The following MYLK2 variants were observed in gnomAD, a reference collection of about 807,000 sequenced individuals.
MYLK2 encodes the protein myosin light chain kinase 2, skeletal/cardiac muscle.
Under a neutral mutation model 58.2 loss-of-function variants are expected in MYLK2, and 27 were observed. That is an observed-to-expected ratio of 0.46 (90% CI 0.34 to 0.64). The LOEUF (loss-of-function observed/expected upper bound fraction) is 0.64. MYLK2 is among the 30% of genes least tolerant of loss of function. The probability of loss-of-function intolerance (pLI) is 0.01; values close to 1 mark genes in which losing one functional copy is unlikely to be tolerated. For missense variants in MYLK2, 676 were observed against 764.3 expected (o/e 0.88, Z 1.36); for synonymous variants, 310 against 296.7 (o/e 1.04, Z -0.46).
chr20:31,819,589 A>G lies in MYLK2; in HGVS notation c.9A>G (p.Thr3=). MA[T]ENGAVELGIQ... ...ACACGCCTCCCTACCTCATGGCGAC[A>G]GAAAATGGAGCAGTTGAGCTGGGAA... Residue 3 remains threonine (T), a synonymous_variant, in exon 2 of 13, where the codon ACA becomes ACG. Transcript: ENST00000375985. 3 of 1,551,590 alleles carry G rather than the reference A, an allele frequency of 1.9e-6. No homozygotes were observed. The highest frequency in any genetic ancestry group is 2.6e-6 in the Non-Finnish European group (3 of 1,147,010).
chr20:31,827,112 G>A (rs2062284497), intron 8 of MYLK2, 174 bp downstream of exon 8: 3 of 981,448 alleles, frequency 3.1e-6, no homozygotes, highest in Non-Finnish European at 3.6e-6. Flanking sequence ...CCAGGAGCCG[G>A]GGGCACAGCA....
At chr20:31,832,157 G>A in intron 12 of MYLK2, 21 bp downstream of exon 12, 1 of 1,591,744 alleles carries the variant, frequency 6.3e-7, no homozygotes, top group Non-Finnish European at 8.6e-7. Context: ...ATTCAGGGTG[G>A]GGAGGGAGGG....
chr20:31,833,414 A>T (rs1248962365), intron 12 of MYLK2, among the ~76,000 whole-genome samples: 4 of 152,064 alleles, frequency 2.6e-5, no homozygotes, highest in Non-Finnish European at 5.9e-5. Flanking sequence ...GAAGAGGGGG[A>T]CAGGAGTTGG....
At position 31,826,698 on chromosome 20, in the gene MYLK2, G is replaced by A. The variant is rs754860438; in HGVS notation, c.1066G>A (p.Val356Ile). 4.3e-6 allele frequency: 7 copies of A among 1,613,916 alleles called. No individual in the cohort carries two copies. The highest frequency in any genetic ancestry group is 1.3e-5 in the African/African-American group (1 of 74,862). The change falls in exon 7 of 13, where the codon GTC (valine) becomes ATC (isoleucine). Residue 356 changes from valine (V) to isoleucine (I), a missense_variant. By Grantham distance (29) the Val-to-Ile change is conservative. Around this residue, in one of 2 missense-constraint regions of MYLK2, gnomAD observed 370 missense variants for 467.8 expected, o/e 0.79. Transcript: ENST00000375985. Reference sequence around the variant, plus strand: ...AGCCATCGAGACTCCGCATGAGATCGTCCTGTTCATGGAGTAGTGAGTGCC... The same window carrying A: ...AGCCATCGAGACTCCGCATGAGATCATCCTGTTCATGGAGTAGTGAGTGCC... ...YAAIETPHEI[V>I]LFMEYIEGGE...
At chr20:31,823,373 C>T in intron 4 of MYLK2, 104 bp from the exon 5 acceptor site, 1 of 1,069,190 alleles carries the variant, frequency 9.4e-7, no homozygotes, top group Non-Finnish European at 1.4e-6. Context: ...ACTTGGTGAA[C>T]TTAACTTCCC....
intron 8 of MYLK2, among the ~76,000 whole-genome samples, chr20:31,829,719 C>T (rs6060979): frequency 0.31 from 47,609 of 152,128 alleles, 9,613 homozygotes; most frequent in African/African-American, 0.57. Context: ...TCCGGTGTTT[C>T]AGGAGCTGCT....
In MYLK2 at chr20:31,833,943, C is replaced by T; in HGVS notation, c.*146C>T. The stretch of plus-strand genomic sequence containing the variant: ...GCCAGGCTGGGAGGCTCGGGGCTCC[C>T]CACGCCCCCATGCAGTGACCGCTTC... On this transcript the variant is annotated 3_prime_UTR_variant, in exon 13 of 13. Transcript: ENST00000375985. The T allele has an allele frequency of 1.4e-6, 1 of 721,336 alleles. No individual in the cohort carries two copies. The highest frequency in any genetic ancestry group is 2.3e-6 in the Non-Finnish European group (1 of 426,236). 44.7% of individuals were successfully genotyped at this position (721,336 alleles called of 1,614,324 possible).
At position 31,819,596 on chromosome 20, in the gene MYLK2, G is replaced by A. The variant is rs727503302; in HGVS notation, c.16G>A (p.Gly6Arg). The change falls in exon 2 of 13, where the codon GGA becomes AGA. Residue 6 changes from glycine (G) to arginine (R), a missense_variant. This residue lies in a region of MYLK2 where 306 missense variants were observed against 296.5 expected (regional missense o/e 1.03). Transcript: ENST00000375985. MATEN[G>R]AVELGIQNPS... ...TCCCTACCTCATGGCGACAGAAAATGGAGCAGTTGAGCTGGGAATTCAGAA... is the reference window on the plus strand; with the variant it reads ...TCCCTACCTCATGGCGACAGAAAATAGAGCAGTTGAGCTGGGAATTCAGAA... The A allele has an allele frequency of 1.9e-6, 3 of 1,551,598 alleles. No homozygotes were observed. Among genetic ancestry groups the A allele is most frequent in the Non-Finnish European group, 2.6e-6 (3 of 1,146,996 alleles).
intron 8 of MYLK2, chr20:31,828,361 T>C: frequency 1.0e-6 from 1 of 985,344 alleles, no homozygotes; most frequent in Non-Finnish European, 1.2e-6. Context: ...AATCTTAATG[T>C]GGAGGCGCGT....
rs149530874 is a variant in MYLK2, at chr20:31,828,508, G to A, written c.1224+1570G>A. 5.0e-5 allele frequency: 49 copies of A among 981,404 alleles called. No individual in the cohort carries two copies. In the African/African-American group the frequency reaches 8.0e-4, roughly 16 times the overall value. The allele number at this position is 981,404 out of a possible 1,614,324, so 60.8% of individuals were successfully genotyped here. On this transcript the variant is annotated intron_variant, in intron 8 of 12. Coordinates refer to ENST00000375985, the MANE Select transcript of MYLK2 (RefSeq NM_033118.4). ...AGGCCCCGTGCTAGGCATAGGGACT[G>A]TGAAGGAAATGGTCCCTGTCTCATG...
chr20:31,822,723 CAGACAGG>C (rs2062257415), intron 4 of MYLK2, among the ~76,000 whole-genome samples: 1 of 152,100 alleles, frequency 6.6e-6, no homozygotes, highest in Non-Finnish European at 1.5e-5. Flanking sequence ...CCGTGCCACC[CAGACAGG>C]GTGGGAGGAC....
chr20:31,832,351 TG>T lies in MYLK2; in HGVS notation c.1710+219del, dbSNP rs1259801176. ...GGCCTTCCACCCAGCCCCACCCATC[TG>T]GGGCTCTGGCTTCCCTCCTTCATTT... On this transcript the variant is annotated intron_variant, in intron 12 of 12. Coordinates refer to ENST00000375985, the MANE Select transcript of MYLK2 (RefSeq NM_033118.4). Among the ~76,000 whole-genome samples, 4 of 152,342 alleles carry T rather than the reference TG, an allele frequency of 2.6e-5. No individual in the cohort carries two copies. In the East Asian group the frequency reaches 7.7e-4, roughly 29 times the overall value.
rs2062310378 is a variant in MYLK2, at chr20:31,832,156, GGGGA to G, written c.1710+28_1710+31del. On this transcript the variant is annotated intron_variant, in intron 12 of 12. Coordinates refer to ENST00000375985, the MANE Select transcript of MYLK2 (RefSeq NM_033118.4). The stretch of plus-strand genomic sequence containing the variant: ...TGGAAGGTACCGCTGGATTCAGGGT[GGGGA>G]GGGAGGGCTTGCTAGTGGGAAGAGC... The G allele has an allele frequency of 4.4e-6, 7 of 1,591,106 alleles. No individual in the cohort carries two copies. The highest frequency in any genetic ancestry group is 6.0e-6 in the Non-Finnish European group (7 of 1,166,148).
In MYLK2 at chr20:31,827,142, A is replaced by G. The variant is rs984150583; in HGVS notation, c.1224+204A>G. 2.6e-5 allele frequency: 26 copies of G among 984,506 alleles called. No individual in the cohort carries two copies. In the African/African-American group the frequency reaches 4.2e-4, roughly 16 times the overall value. The allele number at this position is 984,506 out of a possible 1,614,324, so 61.0% of individuals were successfully genotyped here. ...ACAGCAAAGAGAGAGAGGGGGGGAA[A>G]AAAAAAAGACGTGGTACCAGCTTTC... On this transcript the variant is annotated intron_variant, in intron 8 of 12. Transcript: ENST00000375985.
Position 31,831,835 on chromosome 20 carries a change from C to A in MYLK2, c.1557C>A (p.Asn519Lys). Residue 519 changes from asparagine to lysine, a missense_variant, in exon 11 of 13, where the codon AAC (asparagine) becomes AAA (lysine). Asn to Lys is a moderately conservative substitution (Grantham distance 94, BLOSUM62 0). Around this residue, in one of 2 missense-constraint regions of MYLK2, gnomAD observed 370 missense variants for 467.8 expected, o/e 0.79. Transcript: ENST00000375985. ...VSDEAKDFVS[N>K]LIVKDQRARM... ...ACGAGGCCAAAGACTTTGTCTCCAA[C>A]CTCATCGTCAAGGACCAGAGGTGAG... is the stretch of plus-strand genomic sequence containing the variant. 1 of 1,614,212 alleles carries A rather than the reference C, an allele frequency of 6.2e-7. No individual in the cohort carries two copies. Among genetic ancestry groups the A allele is most frequent in the Non-Finnish European group, 8.5e-7 (1 of 1,180,026 alleles).
chr20:31,825,934 G>A (rs2062276556), intron 6 of MYLK2, among the ~76,000 whole-genome samples: 1 of 152,240 alleles, frequency 6.6e-6, no homozygotes, highest in Admixed American at 6.5e-5. Flanking sequence ...GGAAGGCAGT[G>A]GTGGAGGAGG....
At position 31,819,517 on chromosome 20, in the gene MYLK2, A is replaced by C. The variant is rs1168784481; in HGVS notation, c.-48-16A>C. 20 of 1,545,726 alleles carry C rather than the reference A, an allele frequency of 1.3e-5. No individual in the cohort carries two copies. The East Asian group carries it at 4.2e-4, about 32-fold the overall frequency. ...GAAATTGGACAGCCTGACACACTCC[A>C]CTCTTGTTTCTGCAGCTAGAAAGAC... On this transcript the variant is annotated splice_polypyrimidine_tract_variant and intron_variant, in intron 1 of 12. Coordinates refer to ENST00000375985, the MANE Select transcript of MYLK2 (RefSeq NM_033118.4).
chr20:31,826,521 G>A lies in MYLK2; in HGVS notation c.973-84G>A, dbSNP rs1321603913. 1.9e-6 allele frequency: 3 copies of A among 1,576,644 alleles called. No individual in the cohort carries two copies. In the African/African-American group the frequency reaches 4.0e-5, roughly 21 times the overall value. Reference sequence around the variant, plus strand: ...GCAGTGATCTGGGCAAGGCTAGCAGGCCTGTTCAAGGGTGCGGGTATGGAG... The same window carrying A: ...GCAGTGATCTGGGCAAGGCTAGCAGACCTGTTCAAGGGTGCGGGTATGGAG... On this transcript the variant is annotated intron_variant, in intron 6 of 12. Transcript: ENST00000375985.
At chr20:31,833,573 C>T (rs1032588231) in intron 12 of MYLK2, 144 bp from the exon 13 acceptor site, 47 of 739,394 alleles carry the variant, frequency 6.4e-5, no homozygotes, top group Non-Finnish European at 1.1e-4. Context: ...AGTGTCATGG[C>T]GCCTCCCGTG....
Sources: gnomAD v4.1 joint callset for allele counts (sites outside exome capture counted in the v4.1 genomes callset) on GRCh38, gnomAD v4.1.1 for gene constraint, gnomAD v4.1.1 regional missense constraint, MANE v1.5 for transcripts, NCBI Gene and HGNC (gene_info 2026-07-23, HGNC 2026-07-21) for gene names.